Variants in INPP4B observed in about 807,000 individuals in gnomAD.
INPP4B encodes the protein inositol polyphosphate-4-phosphatase type II B, also known as inositol polyphosphate 4-phosphatase type II.
INPP4B carries 55 observed loss-of-function variants against 122.5 expected under a neutral mutation model. The ratio of observed to expected loss-of-function variants is 0.45; its 90% CI spans 0.36 to 0.56. The LOEUF is 0.56. Among genes scored for constraint, INPP4B ranks in the 20% least tolerant of loss-of-function variants. The pLI is 0.00. For missense variants in INPP4B, 1,000 were observed against 1,097.7 expected (o/e 0.91, Z 1.26); for synonymous variants, 403 against 388.7 (o/e 1.04, Z -0.43).
At chr4:142,090,293 A>AT (rs5862572) in intron 23 of INPP4B, among the ~76,000 whole-genome samples, 111,109 of 149,760 alleles carry the variant, frequency 0.74, 42,842 homozygotes, top group South Asian at 0.85. Flanking sequence ...AGTAATTTTG[A>AT]TTTTTTTTTT....
intron 1 of INPP4B, among the ~76,000 whole-genome samples, chr4:142,800,087 C>A (rs1418045902): frequency 6.6e-6 from 1 of 151,974 alleles, no homozygotes; most frequent in Non-Finnish European, 1.5e-5. Context: ...ATAATTTAAG[C>A]AGGGTGATTC....
chr4:142,666,556 CAA>C (rs537077102), intron 2 of INPP4B, among the ~76,000 whole-genome samples: 1 of 151,616 alleles, frequency 6.6e-6, no homozygotes, highest in Non-Finnish European at 1.5e-5. Flanking sequence ...CAATATCAAG[CAA>C]AAAAGAACCC....
chr4:142,304,394 A>C (rs758732180), intron 9 of INPP4B, among the ~76,000 whole-genome samples: 1 of 152,118 alleles, frequency 6.6e-6, no homozygotes, highest in African/African-American at 2.4e-5. Context: ...CATAACCTAA[A>C]GGAAGCTAGA....
intron 2 of INPP4B, among the ~76,000 whole-genome samples, chr4:142,510,105 C>G (rs1414573319): frequency 6.6e-6 from 1 of 152,186 alleles, no homozygotes; most frequent in Non-Finnish European, 1.5e-5. Context: ...ACTTTGGATT[C>G]ATAATCAACA....
intron 25 of INPP4B, among the ~76,000 whole-genome samples, chr4:142,074,588 C>G (rs1912712): frequency 0.89 from 135,911 of 152,114 alleles, 62,111 homozygotes; most frequent in Non-Finnish European, 0.98. Flanking sequence ...GTCTATTACA[C>G]TATTGTTGGT....
intron 2 of INPP4B, chr4:142,497,073 C>T (rs1034664416): frequency 6.6e-6 from 1 of 151,980 alleles, no homozygotes; most frequent in South Asian, 2.1e-4. Flanking sequence ...TTAGGGGATT[C>T]GTTAGAGTTG....
chr4:142,355,106 T>C (rs1030292307), intron 7 of INPP4B, among the ~76,000 whole-genome samples: 1 of 152,026 alleles, frequency 6.6e-6, no homozygotes, highest in Non-Finnish European at 1.5e-5. Flanking sequence ...GGACTTTTTA[T>C]ATGATTCTGG....
At chr4:142,179,463 A>G (rs1041203318) in intron 15 of INPP4B, among the ~76,000 whole-genome samples, 9 of 95,638 alleles carry the variant, frequency 9.4e-5, no homozygotes, top group African/African-American at 3.2e-4. Context: ...ACAGAACAAA[A>G]CTCCATCTCA....
intron 25 of INPP4B, among the ~76,000 whole-genome samples, chr4:142,061,401 A>G (rs980588265): frequency 5.3e-5 from 8 of 152,152 alleles, no homozygotes; most frequent in African/African-American, 1.9e-4. Flanking sequence ...AGTACATAGA[A>G]ATGAAGGAGT....
At chr4:142,294,640 G>A (rs752933301) in intron 9 of INPP4B, among the ~76,000 whole-genome samples, 1 of 151,358 alleles carries the variant, frequency 6.6e-6, no homozygotes, top group East Asian at 1.9e-4. Flanking sequence ...CATGAGAATA[G>A]GGATCCCAGA....
chr4:142,685,543 T>G (rs1330395037), intron 2 of INPP4B, among the ~76,000 whole-genome samples: 1 of 152,114 alleles, frequency 6.6e-6, no homozygotes, highest in Non-Finnish European at 1.5e-5. Context: ...GGTCAAGAGT[T>G]TCACTTTTAA....
intron 11 of INPP4B, 120 bp downstream of exon 11, chr4:142,260,372 T>C: frequency 1.4e-6 from 1 of 695,852 alleles, no homozygotes; most frequent in Non-Finnish European, 2.6e-6. Flanking sequence ...CCCTTATGAT[T>C]TCCCAGTGTA....
intron 1 of INPP4B, among the ~76,000 whole-genome samples, chr4:142,805,041 G>A (rs192716244): frequency 2.6e-4 from 39 of 152,220 alleles, no homozygotes; most frequent in African/African-American, 6.5e-4. Flanking sequence ...TACCTGACAC[G>A]CAGCATTCAA....
intron 7 of INPP4B, among the ~76,000 whole-genome samples, chr4:142,355,540 T>C (rs185162582): frequency 3.3e-4 from 50 of 151,976 alleles, no homozygotes; most frequent in Non-Finnish European, 5.7e-4. Context: ...CAATCAACAA[T>C]GAAGAAAAAA....
chr4:142,786,333 G>A (rs1015857791), intron 1 of INPP4B, among the ~76,000 whole-genome samples: 2 of 152,088 alleles, frequency 1.3e-5, no homozygotes, highest in African/African-American at 2.4e-5. Context: ...AAAGAGCTCC[G>A]TTTGGCCAAA....
intron 2 of INPP4B, among the ~76,000 whole-genome samples, chr4:142,650,554 AG>A (rs1286229490): frequency 6.6e-6 from 1 of 151,916 alleles, no homozygotes; most frequent in Non-Finnish European, 1.5e-5. Flanking sequence ...AAAAAAAAAA[AG>A]GCAGGGGTTG....
In INPP4B at chr4:142,537,421, TATATATATAGAGAGAGAG is replaced by T. The variant is rs1313816105; in HGVS notation, c.-190-74713_-190-74696del. On this transcript the variant is annotated intron_variant, in intron 2 of 25. Transcript: ENST00000262992. ...TACAGTATATATATATATATATATA[TATATATATAGAGAGAGAG>T]AGAGAGAGAGAGAGAGAGAGAGAGA... 2.5e-3 allele frequency among the ~76,000 whole-genome samples: 133 copies of T among 52,866 alleles called. 1 individual carries two copies. Among genetic ancestry groups the T allele is most frequent in the African/African-American group, 7.6e-3 (120 of 15,800 alleles). 34.7% of individuals were successfully genotyped at this position (52,866 alleles called of 152,430 possible). A position where few individuals can be genotyped will look rare whatever the true frequency, so the allele number is the denominator to read the frequency against.
chr4:142,602,283 A>C (rs2150302610), intron 2 of INPP4B, among the ~76,000 whole-genome samples: 2 of 152,244 alleles, frequency 1.3e-5, no homozygotes, highest in South Asian at 4.1e-4. Flanking sequence ...TGGGAAGTGA[A>C]GGATCCCTTC....
intron 2 of INPP4B, among the ~76,000 whole-genome samples, chr4:142,647,491 T>C (rs1752031291): frequency 6.6e-6 from 1 of 152,170 alleles, no homozygotes; most frequent in Non-Finnish European, 1.5e-5. Flanking sequence ...CTTGAGGGGA[T>C]GGAAGACAAT....
Sources: allele counts gnomAD v4.1 joint callset (sites outside exome capture counted in the v4.1 genomes callset), GRCh38; gene constraint gnomAD v4.1.1; transcripts MANE v1.5; gene names NCBI Gene and HGNC (gene_info 2026-07-23, HGNC 2026-07-21).